NAA15: variants seen among roughly 807,000 people sequenced by gnomAD.
NAA15 encodes the protein N-alpha-acetyltransferase 15, NatA auxiliary subunit.
Under a neutral mutation model 114.0 loss-of-function variants are expected in NAA15, and 34 were observed. The observed-to-expected ratio is 0.30, with a 90% CI of 0.23 to 0.40. The LOEUF (loss-of-function observed/expected upper bound fraction) is 0.40. Ranked by LOEUF, NAA15 falls within the 10% of genes least tolerant of loss-of-function variation. The probability of loss-of-function intolerance (pLI) is 1.00; values close to 1 mark genes in which losing one functional copy is unlikely to be tolerated. For missense variants in NAA15, 658 were observed against 1,004.5 expected (o/e 0.66, Z 4.66); for synonymous variants, 340 against 338.0 (o/e 1.01, Z -0.06).
intron 1 of NAA15, among the ~76,000 whole-genome samples, chr4:139,317,667 A>G (rs1043900908): frequency 5.9e-5 from 9 of 152,160 alleles, no homozygotes; most frequent in Non-Finnish European, 1.3e-4. Context: ...CCATTAACCT[A>G]TAGGGGACTT....
chr4:139,379,094 T>C, intron 17 of NAA15: 1 of 310,496 alleles, frequency 3.2e-6, no homozygotes, highest in East Asian at 5.3e-5. Flanking sequence ...TCTTTGTTTC[T>C]GTTTCTAAAA....
chr4:139,375,124 G>C (rs888806662), intron 15 of NAA15, among the ~76,000 whole-genome samples: 6 of 152,134 alleles, frequency 3.9e-5, no homozygotes, highest in African/African-American at 1.4e-4. Context: ...TGATACAACT[G>C]TTTCTCCCCT....
chr4:139,334,088 T>C (rs1747119269), intron 1 of NAA15, 86 bp from the exon 2 acceptor site: 2 of 798,124 alleles, frequency 2.5e-6, no homozygotes, highest in Admixed American at 2.5e-5. Context: ...TTCTGTTGTA[T>C]TTAACAGAGT....
chr4:139,366,019 A>AT (rs34106756), intron 14 of NAA15, among the ~76,000 whole-genome samples: 361 of 146,078 alleles, frequency 2.5e-3, no homozygotes, highest in South Asian at 0.012. Context: ...CTCTATTAGA[A>AT]TTTTTTTTTT....
chr4:139,373,212 A>G (rs1288641392), intron 15 of NAA15, among the ~76,000 whole-genome samples: 1 of 152,196 alleles, frequency 6.6e-6, no homozygotes, highest in Admixed American at 6.5e-5. Context: ...CGAACATCAT[A>G]GGGTGTATGT....
At position 139,361,661 on chromosome 4, in the gene NAA15, A is replaced by G. The variant is rs191183540; in HGVS notation, c.1540-63A>G. 2.5e-5 allele frequency: 26 copies of G among 1,040,532 alleles called. No homozygotes were observed. In the African/African-American group the frequency reaches 4.0e-4, roughly 16 times the overall value. The allele number at this position is 1,040,532 out of a possible 1,614,324, so 64.5% of individuals were successfully genotyped here. A position where few individuals can be genotyped will look rare whatever the true frequency, so the allele number is the denominator to read the frequency against. ...AAGTAACAAGTATTCCAATGCTTTG[A>G]TTTTATAGTTTTCTTAGCCATTGCT... is the stretch of plus-strand genomic sequence containing the variant. On this transcript the variant is annotated intron_variant, in intron 13 of 19. Coordinates refer to ENST00000296543, the MANE Select transcript of NAA15 (RefSeq NM_057175.5).
intron 14 of NAA15, among the ~76,000 whole-genome samples, chr4:139,369,505 C>T (rs1004183981): frequency 2.0e-5 from 3 of 151,854 alleles, no homozygotes; most frequent in Non-Finnish European, 2.9e-5. Flanking sequence ...TTTGGGAGGC[C>T]GAGGCAGGTG....
chr4:139,350,887 G>C (rs1747757859), intron 7 of NAA15, among the ~76,000 whole-genome samples: 1 of 152,062 alleles, frequency 6.6e-6, no homozygotes, highest in African/African-American at 2.4e-5. Context: ...AAGCTAAGGA[G>C]AATAGTAGGA....
At position 139,351,257 on chromosome 4, in the gene NAA15, C is replaced by T; in HGVS notation, c.878C>T (p.Pro293Leu). The T allele has an allele frequency of 6.2e-7, 1 of 1,609,244 alleles. No individual in the cohort carries two copies. The highest frequency in any genetic ancestry group is 8.5e-7 in the Non-Finnish European group (1 of 1,177,204). The change falls in exon 8 of 20, where the codon CCA becomes CTA. Residue 293 changes from proline to leucine, a missense_variant. Physicochemically the swap from Pro to Leu is moderately conservative, Grantham distance 98 (BLOSUM62 -3). Coordinates refer to ENST00000296543, the MANE Select transcript of NAA15 (RefSeq NM_057175.5). The part of the protein sequence containing the change: ...AWTKYPRGLV[P>L]RRLPLNFLSG... ...ACTAAATATCCCAGGGGACTGGTGC[C>T]AAGAAGGCTGCCGTTAAACTTTTTA...
At chr4:139,347,844 A>G (rs1747637200) in intron 6 of NAA15, among the ~76,000 whole-genome samples, 1 of 150,618 alleles carries the variant, frequency 6.6e-6, no homozygotes, top group African/African-American at 2.4e-5. Context: ...CATCCTGGCT[A>G]ACAAGGCGAA....
chr4:139,339,382 A>G lies in NAA15; in HGVS notation c.245-1530A>G, dbSNP rs566490491. On this transcript the variant is annotated intron_variant, in intron 3 of 19. Transcript: ENST00000296543. ...GGTGGTGGCATGTGCCTGTGGTCCT[A>G]GCTGCTCTGGAGGCTGGGGTAGAAG... Among the ~76,000 whole-genome samples the G allele has an allele frequency of 7.9e-5, 12 of 152,290 alleles. No homozygotes were observed. The East Asian group carries it at 2.1e-3, about 27-fold the overall frequency.
At chr4:139,313,171 A>G (rs1481102045) in intron 1 of NAA15, among the ~76,000 whole-genome samples, 1 of 151,928 alleles carries the variant, frequency 6.6e-6, no homozygotes, top group Admixed American at 6.6e-5. Flanking sequence ...AAAACAGTAG[A>G]CCTAGGGAAA....
chr4:139,343,785 A>G (rs971494047), intron 5 of NAA15, among the ~76,000 whole-genome samples: 2 of 152,234 alleles, frequency 1.3e-5, no homozygotes, highest in African/African-American at 4.8e-5. Flanking sequence ...TGAATAGCCT[A>G]TTGCTCATCA....
At chr4:139,308,076 C>T (rs888265717) in intron 1 of NAA15, among the ~76,000 whole-genome samples, 1 of 152,018 alleles carries the variant, frequency 6.6e-6, no homozygotes, top group African/African-American at 2.4e-5. Context: ...ATTCTCCTGC[C>T]TCAGCCTCCT....
Position 139,388,558 on chromosome 4 carries a change from A to G in NAA15, c.*474A>G, listed in dbSNP as rs181367513. ...TCTGACTGATTTTGTTACGGGGTTG[A>G]TTCTGACCATAGGAAGTATGCAATG... On this transcript the variant is annotated 3_prime_UTR_variant, in exon 20 of 20. Transcript: ENST00000296543. 1 of 157,426 alleles carries G rather than the reference A, an allele frequency of 6.4e-6. No homozygotes were observed. The highest frequency in any genetic ancestry group is 1.9e-4 in the East Asian group (1 of 5,314). 9.8% of individuals were successfully genotyped at this position (157,426 alleles called of 1,614,324 possible). A position where few individuals can be genotyped will look rare whatever the true frequency, so the allele number is the denominator to read the frequency against.
At chr4:139,382,887 C>T (rs1748792312) in intron 17 of NAA15, among the ~76,000 whole-genome samples, 1 of 152,116 alleles carries the variant, frequency 6.6e-6, no homozygotes, top group African/African-American at 2.4e-5. Flanking sequence ...ATGTTTCCTA[C>T]TGAGTTCATT....
At position 139,385,274 on chromosome 4, in the gene NAA15, T is replaced by TATATATATAATATATATATATATATATA. The variant is rs1560983988; in HGVS notation, c.2302+322_2302+323insTAATATATATAATATATATATATATATA. On this transcript the variant is annotated intron_variant, in intron 18 of 19. Coordinates refer to ENST00000296543, the MANE Select transcript of NAA15 (RefSeq NM_057175.5). ...TCAAATCAAAACAAAACCAAACATA[T>TATATATATAATATATATATATATATATA]ATATATATAATATATATATATATAT... 3.3e-4 allele frequency among the ~76,000 whole-genome samples: 31 copies of TATATATATAATATATATATATATATATA among 94,416 alleles called. 1 individual carries two copies. The highest frequency in any genetic ancestry group is 3.1e-4 in the Non-Finnish European group (15 of 47,684). The allele number at this position is 94,416 out of a possible 152,430, so 61.9% of individuals were successfully genotyped here.
intron 1 of NAA15, among the ~76,000 whole-genome samples, 183 bp from the exon 2 acceptor site, chr4:139,333,991 G>C (rs72726513): frequency 6.6e-6 from 1 of 151,382 alleles, no homozygotes; most frequent in Non-Finnish European, 1.5e-5. Context: ...TCTATATTTT[G>C]TTCCTTTGTC....
intron 1 of NAA15, among the ~76,000 whole-genome samples, chr4:139,332,693 C>A (rs1747062555): frequency 6.9e-6 from 1 of 145,350 alleles, no homozygotes; most frequent in South Asian, 2.3e-4. Context: ...AATGATTCTC[C>A]TGCCTCAGTC....
Sources: gnomAD v4.1 joint callset for allele counts (sites outside exome capture counted in the v4.1 genomes callset) on GRCh38, gnomAD v4.1.1 for gene constraint, MANE v1.5 for transcripts, NCBI Gene and HGNC (gene_info 2026-07-23, HGNC 2026-07-21) for gene names.